The following RIC1 variants were observed in gnomAD, a reference collection of about 807,000 sequenced individuals.
RIC1 encodes RIC1 partner of RAB6A GEF complex.
RIC1 carries 88 observed loss-of-function variants against 169.0 expected under a neutral mutation model. That is an observed-to-expected ratio of 0.52 (90% CI 0.44 to 0.62). The LOEUF (loss-of-function observed/expected upper bound fraction) is 0.62. Ranked by LOEUF, RIC1 falls within the 20% of genes least tolerant of loss-of-function variation. The pLI, the probability that RIC1 is intolerant of heterozygous loss-of-function variation, is 0.00. For missense variants in RIC1, 1,877 were observed against 1,725.5 expected, an observed-to-expected ratio of 1.09 and a Z score of -1.56; for synonymous variants, 790 against 601.5, an observed-to-expected ratio of 1.31 and a Z score of -4.59.
At chr9:5,747,783 T>C (rs913303721) in intron 12 of RIC1, among the ~76,000 whole-genome samples, 3 of 133,642 alleles carry the variant, frequency 2.2e-5, no homozygotes, top group Non-Finnish European at 3.1e-5. Flanking sequence ...CTATTTATTT[T>C]ACTTTCAGCC....
At chr9:5,671,867 A>C (rs578075917) in intron 2 of RIC1, among the ~76,000 whole-genome samples, 2 of 152,326 alleles carry the variant, frequency 1.3e-5, no homozygotes, top group South Asian at 2.1e-4. Context: ...GCACTGAGAC[A>C]GGATCTGAGA....
chr9:5,761,713 G>A (rs1478837035), intron 17 of RIC1, among the ~76,000 whole-genome samples: 1 of 151,974 alleles, frequency 6.6e-6, no homozygotes, highest in Non-Finnish European at 1.5e-5. Context: ...TAACCAAAAT[G>A]TTCCTTCCTC....
chr9:5,712,401 G>C (rs919509546), intron 3 of RIC1, among the ~76,000 whole-genome samples: 15 of 152,130 alleles, frequency 9.9e-5, no homozygotes, highest in African/African-American at 3.6e-4. Context: ...AGAGTGAAGA[G>C]GCAACCTACA....
intron 17 of RIC1, 110 bp from the exon 18 acceptor site, chr9:5,762,431 T>A: frequency 7.4e-7 from 1 of 1,357,516 alleles, no homozygotes; most frequent in South Asian, 1.4e-5. Flanking sequence ...TAGTACAACC[T>A]CAATAAATAA....
chr9:5,653,021 C>G (rs1818891312), intron 1 of RIC1, among the ~76,000 whole-genome samples: 1 of 152,130 alleles, frequency 6.6e-6, no homozygotes, highest in Admixed American at 6.5e-5. Context: ...TTTGTCTGTG[C>G]TGAACCATCC....
intron 15 of RIC1, among the ~76,000 whole-genome samples, chr9:5,755,604 G>C (rs1040927397): frequency 2.6e-5 from 4 of 152,062 alleles, no homozygotes; most frequent in Non-Finnish European, 4.4e-5. Context: ...AGAAACAGCT[G>C]GTCTTATTAT....
intron 6 of RIC1, among the ~76,000 whole-genome samples, chr9:5,726,560 G>C (rs71498633): frequency 1.3e-5 from 2 of 152,118 alleles, no homozygotes; most frequent in Admixed American, 6.5e-5. Flanking sequence ...TACATTTAAG[G>C]TTACTATTGT....
At chr9:5,753,413 TTAAAA>T in intron 13 of RIC1, 118 bp from the exon 14 acceptor site, 2 of 810,750 alleles carry the variant, frequency 2.5e-6, no homozygotes, top group South Asian at 1.7e-5. Context: ...TATTTGGACT[TTAAAA>T]TATTTAATTA....
At chr9:5,684,454 A>G (rs559736807) in intron 2 of RIC1, among the ~76,000 whole-genome samples, 2 of 152,236 alleles carry the variant, frequency 1.3e-5, no homozygotes, top group African/African-American at 2.4e-5. Context: ...ACTGTTTTCT[A>G]GTTATCAGTG....
chr9:5,730,549 A>C (rs1824308875), intron 6 of RIC1, among the ~76,000 whole-genome samples: 1 of 152,176 alleles, frequency 6.6e-6, no homozygotes, highest in Non-Finnish European at 1.5e-5. Flanking sequence ...GTGCATGTTT[A>C]AGTGGTAATG....
chr9:5,729,903 A>G, intron 6 of RIC1, among the ~76,000 whole-genome samples: 1 of 152,056 alleles, frequency 6.6e-6, no homozygotes, highest in Non-Finnish European at 1.5e-5. Context: ...TGGGACTTAA[A>G]TGTTTAGACT....
intron 1 of RIC1, among the ~76,000 whole-genome samples, chr9:5,636,987 A>G (rs951322045): frequency 2.6e-5 from 4 of 152,172 alleles, no homozygotes; most frequent in African/African-American, 7.2e-5. Flanking sequence ...CGTGTGGCAC[A>G]GCAATTTTTT....
chr9:5,756,308 A>C lies in RIC1; in HGVS notation c.1789A>C (p.Met597Leu). The C allele has an allele frequency of 6.3e-7, 1 of 1,598,564 alleles. No homozygotes were observed. Among genetic ancestry groups the C allele is most frequent in the Non-Finnish European group, 8.5e-7 (1 of 1,170,608 alleles). ...ETLLLSVFQD[M>L]VIVFRADCSI... Reference sequence around the variant, plus strand: ...ATTACTGCTTAGTGTCTTCCAGGACATGGTAATAGTATTTAGAGCAGACTG... The same window carrying C: ...ATTACTGCTTAGTGTCTTCCAGGACCTGGTAATAGTATTTAGAGCAGACTG... Residue 597 changes from methionine (M) to leucine (L), a missense_variant, in exon 16 of 26, where the codon ATG becomes CTG. By Grantham distance (15) the Met-to-Leu change is conservative. Around this residue, in one of 3 missense-constraint regions of RIC1, gnomAD observed 1,104 missense variants for 992.0 expected, o/e 1.11. Coordinates refer to ENST00000414202, the MANE Select transcript of RIC1 (RefSeq NM_020829.4).
intron 2 of RIC1, among the ~76,000 whole-genome samples, chr9:5,663,815 T>G (rs1819596192): frequency 6.6e-6 from 1 of 152,196 alleles, no homozygotes; most frequent in Non-Finnish European, 1.5e-5. Context: ...ACATTTAAGG[T>G]TAGTATTGTT....
rs148437392 is a variant in RIC1, at chr9:5,676,994, A to G, written c.253-12965A>G. 9.2e-4 allele frequency among the ~76,000 whole-genome samples: 140 copies of G among 152,354 alleles called. 1 individual carries two copies. Among genetic ancestry groups the G allele is most frequent in the Middle Eastern group, 3.4e-3 (1 of 294 alleles). On this transcript the variant is annotated intron_variant, in intron 2 of 25. Transcript: ENST00000414202. ...AACAAAACTACATGAACATTGATGTACAAGTCTTTGTATGGATGCGTATTT... is the reference window on the plus strand; with the variant it reads ...AACAAAACTACATGAACATTGATGTGCAAGTCTTTGTATGGATGCGTATTT...
Position 5,772,961 on chromosome 9 carries a change from A to G in RIC1, c.3864A>G (p.Arg1288=). Reference sequence around the variant, plus strand: ...GCATCGTTATAGGCCTGATTCTTAGAGAATCCTCAATAATCAATCAGATTT... The same window carrying G: ...GCATCGTTATAGGCCTGATTCTTAGGGAATCCTCAATAATCAATCAGATTT... ...DWCIVIGLIL[R]ESSIINQILV... The change falls in exon 25 of 26, where the codon AGA becomes AGG. Residue 1288 remains arginine (R), a synonymous_variant. Transcript: ENST00000414202. 3.1e-6 allele frequency: 5 copies of G among 1,613,680 alleles called. No homozygotes were observed. The highest frequency in any genetic ancestry group is 4.2e-6 in the Non-Finnish European group (5 of 1,179,670).
chr9:5,656,145 C>G (rs1428339185), intron 1 of RIC1, among the ~76,000 whole-genome samples: 1 of 152,180 alleles, frequency 6.6e-6, no homozygotes, highest in Non-Finnish European at 1.5e-5. Context: ...GCTGGGATTA[C>G]AGGCATGAGC....
Position 5,682,896 on chromosome 9 carries a change from C to T in RIC1, c.253-7063C>T, listed in dbSNP as rs145457727. Among the ~76,000 whole-genome samples the T allele has an allele frequency of 5.7e-3, 874 of 152,282 alleles. 8 individuals are homozygous for T. The highest frequency in any genetic ancestry group is 0.017 in the African/African-American group (714 of 41,556). On this transcript the variant is annotated intron_variant, in intron 2 of 25. Coordinates refer to ENST00000414202, the MANE Select transcript of RIC1 (RefSeq NM_020829.4). ...TCTTTTTTCTCTACACTTCTCTTCT[C>T]GCTTCATTTCATTCATTTCATCTTC...
intron 6 of RIC1, among the ~76,000 whole-genome samples, chr9:5,731,136 C>T (rs1003926858): frequency 1.3e-5 from 2 of 151,988 alleles, no homozygotes; most frequent in African/African-American, 4.8e-5. Flanking sequence ...ATTCAATATA[C>T]TTTTTTAACT....
Sources: allele counts gnomAD v4.1 joint callset (sites outside exome capture counted in the v4.1 genomes callset), GRCh38; gene constraint gnomAD v4.1.1; regional missense constraint gnomAD v4.1.1; transcripts MANE v1.5; gene names NCBI Gene and HGNC (gene_info 2026-07-23, HGNC 2026-07-21).